LRTM1: variants seen among roughly 807,000 people sequenced by gnomAD.
LRTM1 encodes leucine-rich repeat and transmembrane domain-containing protein 1.
Under a neutral mutation model 32.4 loss-of-function variants are expected in LRTM1, and 38 were observed. The ratio of observed to expected loss-of-function variants is 1.17; its 90% confidence interval spans 0.91 to 1.54. The LOEUF (loss-of-function observed/expected upper bound fraction) is 1.54, where lower values mean the gene tolerates loss of function less well. Among genes scored for constraint, LRTM1 ranks in the 40% most tolerant of loss-of-function variants. LRTM1 has a pLI of 0.00. For missense variants in LRTM1, 466 were observed against 415.4 expected (o/e 1.12, Z -1.06); for synonymous variants, 186 against 169.9 (o/e 1.09, Z -0.74).
chr3:54,924,474 C>T (rs1700952471), intron 2 of LRTM1, 145 bp downstream of exon 2: 2 of 657,714 alleles, frequency 3.0e-6, no homozygotes, highest in East Asian at 5.1e-5. Flanking sequence ...GACTCTTTTG[C>T]CATACCGTGA....
intron 2 of LRTM1, among the ~76,000 whole-genome samples, chr3:54,921,865 C>T (rs1402109022): frequency 1.3e-5 from 2 of 152,172 alleles, no homozygotes; most frequent in Non-Finnish European, 2.9e-5. Flanking sequence ...TCTGTTATGT[C>T]GGTTAGCCTG....
chr3:54,951,647 G>A (rs570416689), intron 1 of LRTM1, among the ~76,000 whole-genome samples: 68 of 150,848 alleles, frequency 4.5e-4, no homozygotes, highest in Non-Finnish European at 8.8e-4. Context: ...CAGGGCTCCA[G>A]TCCCAGTTCC....
At chr3:54,964,865 G>C (rs4955914) in intron 1 of LRTM1, among the ~76,000 whole-genome samples, 1 of 151,100 alleles carries the variant, frequency 6.6e-6, no homozygotes, top group African/African-American at 2.4e-5. Context: ...TCATTTTCAC[G>C]CTCAAGAAAT....
chr3:54,964,002 A>G (rs1403910162), intron 1 of LRTM1, among the ~76,000 whole-genome samples: 1 of 152,230 alleles, frequency 6.6e-6, no homozygotes, highest in Non-Finnish European at 1.5e-5. Flanking sequence ...CAGATAGTTC[A>G]AAAGAGAGGT....
upstream of LRTM1, among the ~76,000 whole-genome samples, chr3:54,929,032 T>A (rs576790809): frequency 6.6e-6 from 1 of 152,286 alleles, no homozygotes; most frequent in African/African-American, 2.4e-5. Context: ...TGTAACTGTG[T>A]GTACGCTTTT....
chr3:54,926,505 T>TAC (rs36205023), intron 1 of LRTM1, among the ~76,000 whole-genome samples: 15,654 of 143,176 alleles, frequency 0.11, 1,007 homozygotes, highest in Non-Finnish European at 0.16. Flanking sequence ...GCCTGTCAAA[T>TAC]ACACACACAC....
intron 1 of LRTM1, among the ~76,000 whole-genome samples, chr3:54,939,308 C>T (rs1191637523): frequency 1.3e-5 from 2 of 152,214 alleles, no homozygotes; most frequent in African/African-American, 2.4e-5. Flanking sequence ...GAGACTGACT[C>T]ACTTGCCTGA....
upstream of LRTM1, among the ~76,000 whole-genome samples, chr3:54,929,811 C>T (rs1429149024): frequency 6.6e-6 from 1 of 152,064 alleles, no homozygotes; most frequent in African/African-American, 2.4e-5. Flanking sequence ...CAATAATTTC[C>T]ATTATTAATG....
chr3:54,961,385 G>A (rs950727277), intron 1 of LRTM1, among the ~76,000 whole-genome samples: 1 of 152,200 alleles, frequency 6.6e-6, no homozygotes, highest in African/African-American at 2.4e-5. Context: ...ACTCCTAAGA[G>A]ATGAAATATA....
chr3:54,940,995 G>A (rs546774028), intron 1 of LRTM1, among the ~76,000 whole-genome samples: 1 of 152,178 alleles, frequency 6.6e-6, no homozygotes, highest in East Asian at 1.9e-4. Flanking sequence ...TTTAAAACCA[G>A]TTAACACATT....
chr3:54,922,051 C>T (rs543580902), intron 2 of LRTM1, among the ~76,000 whole-genome samples: 22 of 152,274 alleles, frequency 1.4e-4, no homozygotes, highest in Admixed American at 1.4e-3. Flanking sequence ...GGTCTTATTA[C>T]CCCAAATCAA....
rs1701410559 is a variant in LRTM1, at chr3:54,939,543, G to A, written c.-221-14328C>T. Reference sequence around the variant, plus strand: ...GGGAAAAGAGGGCAGCCTGCTGTCTGTCTGCTGTGGCCAGGGATTGGGCAA... The same window carrying A: ...GGGAAAAGAGGGCAGCCTGCTGTCTATCTGCTGTGGCCAGGGATTGGGCAA... On this transcript the variant is annotated intron_variant, in intron 1 of 2. Transcript: ENST00000493075. Among the ~76,000 whole-genome samples, 3 of 152,360 alleles carry A rather than the reference G, an allele frequency of 2.0e-5. No homozygotes were observed. The South Asian group carries it at 6.2e-4, about 32-fold the overall frequency.
upstream of LRTM1, among the ~76,000 whole-genome samples, chr3:54,932,193 A>G (rs1428292326): frequency 2.6e-5 from 4 of 152,148 alleles, no homozygotes; most frequent in Non-Finnish European, 5.9e-5. Flanking sequence ...AATAATAATA[A>G]TAAATGAAAA....
chr3:54,939,751 G>A (rs1701416937), intron 1 of LRTM1, among the ~76,000 whole-genome samples: 1 of 152,210 alleles, frequency 6.6e-6, no homozygotes, highest in Admixed American at 6.5e-5. Flanking sequence ...AGGAAGGAGG[G>A]AACTCCCTTT....
chr3:54,959,448 G>A (rs12491161), intron 1 of LRTM1, among the ~76,000 whole-genome samples: 61,263 of 152,036 alleles, frequency 0.4, 13,411 homozygotes, highest in East Asian at 0.56. Context: ...GGAGATTTTA[G>A]TGCTATTTTA....
chr3:54,948,730 ACTGT>A (rs1701678875), intron 1 of LRTM1, among the ~76,000 whole-genome samples: 1 of 152,166 alleles, frequency 6.6e-6, no homozygotes, highest in Admixed American at 6.5e-5. Flanking sequence ...ATTGTATTTG[ACTGT>A]CTGCATGGAG....
At chr3:54,930,487 C>G (rs1387459667), upstream of LRTM1, among the ~76,000 whole-genome samples, 2 of 152,100 alleles carry the variant, frequency 1.3e-5, no homozygotes, top group Admixed American at 1.3e-4. Flanking sequence ...TCTATAAGGC[C>G]CAGCTGGGAT....
upstream of LRTM1, among the ~76,000 whole-genome samples, chr3:54,930,710 G>A (rs2106955172): frequency 6.6e-6 from 1 of 152,340 alleles, no homozygotes; most frequent in South Asian, 2.1e-4. Context: ...CATTCTATCT[G>A]TAGAATGTAG....
At chr3:54,936,152 G>T (rs151146849) in intron 1 of LRTM1, among the ~76,000 whole-genome samples, 3 of 147,470 alleles carry the variant, frequency 2.0e-5, no homozygotes, top group Non-Finnish European at 3.0e-5. Context: ...TTTTTATCAC[G>T]AGAATCATAG....
Sources: gnomAD v4.1 joint callset for allele counts (sites outside exome capture counted in the v4.1 genomes callset) on GRCh38, gnomAD v4.1.1 for gene constraint, MANE v1.5 for transcripts, NCBI Gene and HGNC (gene_info 2026-07-23, HGNC 2026-07-21) for gene names.